FANCC: variants seen among roughly 807,000 people sequenced by gnomAD.
The protein encoded by FANCC is Fanconi anemia group C protein.
FANCC carries 55 observed loss-of-function variants against 71.3 expected under a neutral mutation model. The observed-to-expected ratio is 0.77, with a 90% CI of 0.62 to 0.97. FANCC has a LOEUF of 0.97. FANCC is among the 50% of genes least tolerant of loss of function. The pLI, the probability that FANCC is intolerant of heterozygous loss-of-function variation, is 0.00. For missense variants in FANCC, 678 were observed against 670.9 expected (o/e 1.01, Z -0.12); for synonymous variants, 275 against 244.9 (o/e 1.12, Z -1.15).
chr9:95,113,622 A>T (rs2072140802), intron 12 of FANCC: 1 of 151,698 alleles, frequency 6.6e-6, no homozygotes, highest in Admixed American at 6.6e-5. Flanking sequence ...CTACAAAAAA[A>T]AAAATTTTTT....
At chr9:95,292,458 G>C in intron 1 of FANCC, 2 of 1,261,298 alleles carry the variant, frequency 1.6e-6, no homozygotes, top group Non-Finnish European at 2.0e-6. Flanking sequence ...GGTGCCCCCG[G>C]GACCCCGACT....
At chr9:95,249,079 A>C in intron 2 of FANCC, 48 bp downstream of exon 2, 1 of 1,595,220 alleles carries the variant, frequency 6.3e-7, no homozygotes, top group Middle Eastern at 1.7e-4. Flanking sequence ...AATCTGGTAG[A>C]GTCCCTGAAG....
chr9:95,152,798 C>A (rs977520281), intron 6 of FANCC, among the ~76,000 whole-genome samples: 1 of 151,744 alleles, frequency 6.6e-6, no homozygotes, highest in African/African-American at 2.4e-5. Context: ...CTCTCCTCCC[C>A]CTTCTGAGTC....
intron 1 of FANCC, among the ~76,000 whole-genome samples, chr9:95,307,296 A>G (rs1450135226): frequency 6.6e-6 from 1 of 152,354 alleles, no homozygotes; most frequent in South Asian, 2.1e-4. Context: ...CTATTGCCCA[A>G]AGTAATGTTA....
At chr9:95,228,088 C>G (rs1829737860) in intron 4 of FANCC, among the ~76,000 whole-genome samples, 1 of 152,158 alleles carries the variant, frequency 6.6e-6, no homozygotes. Context: ...AATAAAATCA[C>G]CAGATCCTCA....
At chr9:95,184,459 TAA>T (rs1227169662) in intron 4 of FANCC, among the ~76,000 whole-genome samples, 1 of 151,976 alleles carries the variant, frequency 6.6e-6, no homozygotes, top group African/African-American at 2.4e-5. Context: ...CTCTACAGAG[TAA>T]GATGGACCAC....
At chr9:95,252,411 G>T (rs1421221308) in intron 1 of FANCC, among the ~76,000 whole-genome samples, 2 of 150,992 alleles carry the variant, frequency 1.3e-5, no homozygotes, top group East Asian at 3.9e-4. Flanking sequence ...GTAAAATGAA[G>T]AACTTTTTGA....
intron 4 of FANCC, among the ~76,000 whole-genome samples, chr9:95,213,108 T>C (rs1374643042): frequency 6.6e-6 from 1 of 152,224 alleles, no homozygotes; most frequent in Non-Finnish European, 1.5e-5. Context: ...GTTGCAATGA[T>C]ATTTTCATTA....
chr9:95,235,383 T>C (rs1830253342), intron 4 of FANCC, among the ~76,000 whole-genome samples: 1 of 152,098 alleles, frequency 6.6e-6, no homozygotes, highest in Non-Finnish European at 1.5e-5. Flanking sequence ...TGTCAGGCAA[T>C]GGGACATCAA....
intron 6 of FANCC, among the ~76,000 whole-genome samples, chr9:95,160,860 A>G (rs1458092344): frequency 6.6e-6 from 1 of 152,124 alleles, no homozygotes; most frequent in Non-Finnish European, 1.5e-5. Flanking sequence ...AATGCTTGTG[A>G]TTTTTGCACA....
At chr9:95,134,395 G>A (rs1488077381) in intron 8 of FANCC, among the ~76,000 whole-genome samples, 3 of 152,138 alleles carry the variant, frequency 2.0e-5, no homozygotes, top group Admixed American at 2.0e-4. Flanking sequence ...TCAAGGGCGA[G>A]GGTGAACACT....
chr9:95,314,068 G>A (rs1835588196), intron 1 of FANCC, among the ~76,000 whole-genome samples: 1 of 152,100 alleles, frequency 6.6e-6, no homozygotes, highest in Non-Finnish European at 1.5e-5. Context: ...AGTGCTGGAG[G>A]GTCGAACCAG....
At chr9:95,267,897 A>G (rs560989840) in intron 1 of FANCC, among the ~76,000 whole-genome samples, 45 of 152,374 alleles carry the variant, frequency 3.0e-4, no homozygotes, top group Middle Eastern at 6.8e-3. Flanking sequence ...ACAAGATACT[A>G]GACAGTAGAC....
intron 7 of FANCC, chr9:95,145,568 T>C (rs1467522484): frequency 2.0e-5 from 3 of 152,118 alleles, no homozygotes; most frequent in Non-Finnish European, 2.9e-5. Flanking sequence ...CAAGCAATGA[T>C]AGCAAAACAA....
At chr9:95,163,259 C>T (rs1830858970) in intron 6 of FANCC, among the ~76,000 whole-genome samples, 1 of 152,148 alleles carries the variant, frequency 6.6e-6, no homozygotes, top group Admixed American at 6.5e-5. Flanking sequence ...TGAAGCCTTA[C>T]TTCTGGGCTC....
rs1825708060 is a variant in FANCC, at chr9:95,171,973, CT to C, written c.456+63del. On this transcript the variant is annotated intron_variant, in intron 5 of 14. Coordinates refer to ENST00000289081, the MANE Select transcript of FANCC (RefSeq NM_000136.3). ...TGGAGGACTGAAATATTTCCATTTA[CT>C]CTTTTTGCTGATGGCACATTCAGCA... 6 of 985,426 alleles carry C rather than the reference CT, an allele frequency of 6.1e-6. No individual in the cohort carries two copies. In the African/African-American group the frequency reaches 9.7e-5, roughly 16 times the overall value. 61.0% of individuals were successfully genotyped at this position (985,426 alleles called of 1,614,324 possible).
intron 1 of FANCC, among the ~76,000 whole-genome samples, chr9:95,303,293 T>C (rs1397736163): frequency 1.3e-5 from 2 of 152,232 alleles, no homozygotes; most frequent in African/African-American, 4.8e-5. Context: ...ATCTAGAACC[T>C]TGGGTTAATG....
At chr9:95,164,698 T>A (rs1830962943) in intron 6 of FANCC, among the ~76,000 whole-genome samples, 1 of 152,154 alleles carries the variant, frequency 6.6e-6, no homozygotes, top group Non-Finnish European at 1.5e-5. Flanking sequence ...TTGAATTCCC[T>A]TTTTGCTGAG....
At chr9:95,190,591 C>T (rs963925549) in intron 4 of FANCC, among the ~76,000 whole-genome samples, 1 of 152,174 alleles carries the variant, frequency 6.6e-6, no homozygotes, top group Non-Finnish European at 1.5e-5. Flanking sequence ...CTCTTGCTTG[C>T]CCACTCAGCG....
Sources: allele counts gnomAD v4.1 joint callset (sites outside exome capture counted in the v4.1 genomes callset), GRCh38; gene constraint gnomAD v4.1.1; transcripts MANE v1.5; gene names NCBI Gene and HGNC (gene_info 2026-07-23, HGNC 2026-07-21).